KATNAL1: variants seen among roughly 807,000 people sequenced by gnomAD.
KATNAL1 encodes the protein katanin catalytic subunit A1 like 1, also known as katanin p60 ATPase-containing subunit A-like 1.
In KATNAL1, 32 loss-of-function variants were observed where a neutral mutation model predicts 55.2. That is an observed-to-expected ratio of 0.58 (90% CI 0.44 to 0.78). KATNAL1 has a LOEUF of 0.78. Ranked by LOEUF, KATNAL1 falls within the 30% of genes least tolerant of loss-of-function variation. The probability of loss-of-function intolerance (pLI) is 0.00; values close to 1 mark genes in which losing one functional copy is unlikely to be tolerated. For missense variants in KATNAL1, 466 were observed against 600.9 expected (o/e 0.78, Z 2.35); for synonymous variants, 193 against 193.6 (o/e 1.00, Z 0.02).
intron 9 of KATNAL1, among the ~76,000 whole-genome samples, chr13:30,226,638 G>T (rs1026432565): frequency 1.3e-5 from 2 of 152,194 alleles, no homozygotes; most frequent in Non-Finnish European, 2.9e-5. Context: ...CCTACATCTT[G>T]ATTAGGGTAT....
At chr13:30,261,942 T>C (rs1005387201) in intron 3 of KATNAL1, among the ~76,000 whole-genome samples, 8 of 152,108 alleles carry the variant, frequency 5.3e-5, no homozygotes, top group African/African-American at 1.9e-4. Flanking sequence ...ACCACACCTA[T>C]TCCAAAATTG....
intron 1 of KATNAL1, among the ~76,000 whole-genome samples, chr13:30,298,619 G>A (rs1882675650): frequency 6.6e-6 from 1 of 152,008 alleles, no homozygotes; most frequent in East Asian, 1.9e-4. Flanking sequence ...ATAGGGACAA[G>A]AAATTTTAAA....
chr13:30,241,070 T>G lies in KATNAL1; in HGVS notation c.509A>C (p.Gln170Pro). The change falls in exon 5 of 11, where the codon CAA (glutamine) becomes CCA (proline). Residue 170 changes from glutamine (Q) to proline (P), a missense_variant. Coordinates refer to ENST00000380615, the MANE Select transcript of KATNAL1 (RefSeq NM_032116.5). ...CATTTCACCATCACTTGCACCATCTTGCATATTCTTCCTTCCCTGGGGATA... is the reference window on the plus strand; with the variant it reads ...CATTTCACCATCACTTGCACCATCTGGCATATTCTTCCTTCCCTGGGGATA... ...GRDDKGRKNM[Q>P]DGASDGEMPK... The G allele has an allele frequency of 6.2e-7, 1 of 1,613,118 alleles. No individual in the cohort carries two copies. Among genetic ancestry groups the G allele is most frequent in the Non-Finnish European group, 8.5e-7 (1 of 1,179,760 alleles).
chr13:30,306,984 C>G (rs1030088741), intron 1 of KATNAL1: 2 of 151,680 alleles, frequency 1.3e-5, no homozygotes, highest in African/African-American at 4.8e-5. Context: ...TCCGCGACCA[C>G]TCAACAGCCC....
chr13:30,285,937 G>A (rs1473048254), intron 1 of KATNAL1, among the ~76,000 whole-genome samples: 2 of 152,228 alleles, frequency 1.3e-5, no homozygotes, highest in Non-Finnish European at 1.5e-5. Context: ...TTGAACTTGA[G>A]AGAGGTGTTT....
chr13:30,231,272 C>CCTA (rs1365302785), intron 7 of KATNAL1, 42 bp downstream of exon 7: 1 of 1,542,876 alleles, frequency 6.5e-7, no homozygotes, highest in African/African-American at 1.4e-5. Context: ...GCATCATAGG[C>CCTA]CTACACACAC....
chr13:30,260,302 A>G (rs1232366734), intron 3 of KATNAL1, among the ~76,000 whole-genome samples: 2 of 152,238 alleles, frequency 1.3e-5, no homozygotes, highest in East Asian at 1.9e-4. Flanking sequence ...TGGAAACTCT[A>G]AAAAGCAGAG....
chr13:30,212,596 A>G (rs1593826198), intron 9 of KATNAL1, among the ~76,000 whole-genome samples: 2 of 152,210 alleles, frequency 1.3e-5, no homozygotes, highest in East Asian at 3.8e-4. Context: ...TGGAAAACAT[A>G]TTGAATTCAT....
In KATNAL1 at chr13:30,253,523, G is replaced by A. The variant is rs572630375; in HGVS notation, c.492+1924C>T. Among the ~76,000 whole-genome samples the A allele has an allele frequency of 4.3e-4, 65 of 152,098 alleles. 1 individual carries two copies. In the South Asian group the frequency reaches 0.013, roughly 31 times the overall value. On this transcript the variant is annotated intron_variant, in intron 4 of 10. Transcript: ENST00000380615. ...CTAAAAATACAAAAAAAATTAGCCGGGCATGGTAGCGGGTGCCTGTAGTCC... is the reference window on the plus strand; with the variant it reads ...CTAAAAATACAAAAAAAATTAGCCGAGCATGGTAGCGGGTGCCTGTAGTCC...
chr13:30,240,937 C>T, intron 5 of KATNAL1, 22 bp downstream of exon 5: 1 of 1,600,510 alleles, frequency 6.2e-7, no homozygotes, highest in Non-Finnish European at 8.5e-7. Flanking sequence ...TACTTTAATT[C>T]AATAATTTGA....
chr13:30,228,672 G>T (rs923714784), intron 8 of KATNAL1, among the ~76,000 whole-genome samples: 3 of 152,204 alleles, frequency 2.0e-5, no homozygotes, highest in Admixed American at 1.3e-4. Context: ...ATAGTACATT[G>T]TAAGTATTCA....
chr13:30,244,699 A>C (rs143551749), intron 4 of KATNAL1, among the ~76,000 whole-genome samples: 2,012 of 152,334 alleles, frequency 0.013, 37 homozygotes, highest in African/African-American at 0.045. Context: ...AGACATAATA[A>C]AAAATGATAA....
chr13:30,274,907 G>GCACACACACACACA (rs368435407), intron 3 of KATNAL1, among the ~76,000 whole-genome samples: 8 of 105,432 alleles, frequency 7.6e-5, no homozygotes, highest in South Asian at 3.2e-4. Context: ...GCGCGCGCGC[G>GCACACACACACACA]CACACACACA....
chr13:30,254,283 G>T (rs1012240593), intron 4 of KATNAL1, among the ~76,000 whole-genome samples: 1 of 152,090 alleles, frequency 6.6e-6, no homozygotes, highest in East Asian at 1.9e-4. Context: ...ATAATGGAGG[G>T]AACAAATTTT....
chr13:30,281,138 G>GAAA (rs10673727), intron 2 of KATNAL1, among the ~76,000 whole-genome samples: 10 of 123,912 alleles, frequency 8.1e-5, no homozygotes, highest in Admixed American at 2.9e-4. Flanking sequence ...AAAAAAAAAA[G>GAAA]AAAAGAAAAG....
intron 9 of KATNAL1, among the ~76,000 whole-genome samples, chr13:30,216,540 C>T (rs1451109514): frequency 6.6e-6 from 1 of 152,186 alleles, no homozygotes; most frequent in East Asian, 1.9e-4. Context: ...ACAGAAAGGG[C>T]AGGACTGGAA....
At chr13:30,266,016 A>C (rs1456186299) in intron 3 of KATNAL1, among the ~76,000 whole-genome samples, 3 of 141,708 alleles carry the variant, frequency 2.1e-5, no homozygotes, top group Non-Finnish European at 3.2e-5. Flanking sequence ...CCATCTCAAA[A>C]AAAAAAAAAA....
intron 1 of KATNAL1, among the ~76,000 whole-genome samples, chr13:30,284,243 T>A (rs999609753): frequency 3.9e-5 from 6 of 152,164 alleles, no homozygotes; most frequent in Admixed American, 6.5e-5. Context: ...CGTTTTCAAA[T>A]TTGGAAGTAC....
intron 3 of KATNAL1, among the ~76,000 whole-genome samples, chr13:30,272,139 C>A (rs542825610): frequency 6.6e-6 from 1 of 152,094 alleles, no homozygotes. Flanking sequence ...GTGGCTCATG[C>A]CTATAATCCC....
Sources: gnomAD v4.1 joint callset for allele counts (sites outside exome capture counted in the v4.1 genomes callset) on GRCh38, gnomAD v4.1.1 for gene constraint, MANE v1.5 for transcripts, NCBI Gene and HGNC (gene_info 2026-07-23, HGNC 2026-07-21) for gene names.